FNBP1L: variants seen among roughly 807,000 people sequenced by gnomAD.
FNBP1L encodes the protein formin binding protein 1 like, also known as formin-binding protein 1-like.
A neutral mutation model predicts 91.2 loss-of-function variants in FNBP1L; 36 were observed. The ratio of observed to expected loss-of-function variants is 0.39; its 90% confidence interval spans 0.30 to 0.52. The LOEUF is 0.52. FNBP1L is among the 20% of genes least tolerant of loss of function. The pLI, the probability that FNBP1L is intolerant of heterozygous loss-of-function variation, is 0.66. For synonymous variants in FNBP1L, 242 were observed against 237.0 expected (o/e 1.02, Z -0.19); for missense variants, 571 against 732.1 (o/e 0.78, Z 2.54).
intron 12 of FNBP1L, among the ~76,000 whole-genome samples, chr1:93,545,285 A>T (rs1672185025): frequency 6.6e-6 from 1 of 152,172 alleles, no homozygotes. Context: ...AGTAGATTGC[A>T]AAAAGGATAC....
intron 1 of FNBP1L, among the ~76,000 whole-genome samples, chr1:93,466,559 A>G (rs1470754954): frequency 6.6e-6 from 1 of 152,056 alleles, no homozygotes; most frequent in Non-Finnish European, 1.5e-5. Flanking sequence ...CCATTGGTCT[A>G]TATTTCTGTT....
chr1:93,499,434 C>G, intron 1 of FNBP1L, 34 bp from the exon 2 acceptor site: 3 of 1,375,622 alleles, frequency 2.2e-6, no homozygotes, highest in Non-Finnish European at 3.0e-6. Flanking sequence ...AAATTTTAGA[C>G]TTTTGAAAAT....
chr1:93,454,913 A>G (rs200785559), intron 1 of FNBP1L, among the ~76,000 whole-genome samples: 3 of 121,432 alleles, frequency 2.5e-5, no homozygotes. Context: ...TTTTATTTTT[A>G]TTTATTTATT....
chr1:93,511,776 C>T lies in FNBP1L; in HGVS notation c.141-10306C>T, dbSNP rs1479034474. ...GGTCAGGAGATCGAGACCATCCCGG[C>T]TAAAACGGTGAAACCCCGTCTCTAC... On this transcript the variant is annotated intron_variant, in intron 2 of 16. Transcript: ENST00000271234. Among the ~76,000 whole-genome samples, 16 of 151,908 alleles carry T rather than the reference C, an allele frequency of 1.1e-4. No individual in the cohort carries two copies. In the East Asian group the frequency reaches 3.1e-3, roughly 29 times the overall value.
chr1:93,475,713 A>G (rs958889444), intron 1 of FNBP1L, among the ~76,000 whole-genome samples: 6 of 152,236 alleles, frequency 3.9e-5, no homozygotes, highest in African/African-American at 1.4e-4. Flanking sequence ...CATAACTTGT[A>G]AAGGATAAAA....
chr1:93,507,611 C>A (rs116511633), intron 2 of FNBP1L, among the ~76,000 whole-genome samples: 1 of 148,028 alleles, frequency 6.8e-6, no homozygotes, highest in African/African-American at 2.4e-5. Flanking sequence ...TCAGCTGCTT[C>A]GGAAGAATAA....
At chr1:93,480,819 C>T (rs1414576411) in intron 1 of FNBP1L, among the ~76,000 whole-genome samples, 1 of 152,234 alleles carries the variant, frequency 6.6e-6, no homozygotes, top group East Asian at 1.9e-4. Flanking sequence ...GCCTCGGCCT[C>T]CCAAAGTGCT....
intron 9 of FNBP1L, 38 bp from the exon 10 acceptor site, chr1:93,536,294 A>G: frequency 3.6e-6 from 5 of 1,382,414 alleles, no homozygotes; most frequent in Non-Finnish European, 4.7e-6. Flanking sequence ...AACTATGCAC[A>G]TTTGGCTTAT....
At chr1:93,453,630 A>G (rs1210552327) in intron 1 of FNBP1L, among the ~76,000 whole-genome samples, 1 of 152,182 alleles carries the variant, frequency 6.6e-6, no homozygotes, top group African/African-American at 2.4e-5. Context: ...CAATCTTTAA[A>G]CATTTTCACT....
intron 1 of FNBP1L, among the ~76,000 whole-genome samples, chr1:93,461,514 G>A (rs1359234003): frequency 1.3e-5 from 2 of 152,156 alleles, no homozygotes; most frequent in South Asian, 2.1e-4. Context: ...TAAGGTGATA[G>A]TTGCAGTTCT....
intron 13 of FNBP1L, 58 bp from the exon 14 acceptor site, chr1:93,547,289 T>A: frequency 7.7e-7 from 1 of 1,301,214 alleles, no homozygotes; most frequent in Non-Finnish European, 1.1e-6. Context: ...TGTAGATATC[T>A]TATGAGCTTT....
chr1:93,547,369 G>A lies in FNBP1L; in HGVS notation c.1430G>A (p.Gly477Asp). ...KNEAWLSEVE[G>D]KTGGRGDRRH... Reference sequence around the variant, plus strand: ...AAGGCTTGGCTCTCTGAAGTCGAAGGCAAAACAGGTGGGAGAGGAGACAGA... The same window carrying A: ...AAGGCTTGGCTCTCTGAAGTCGAAGACAAAACAGGTGGGAGAGGAGACAGA... The change falls in exon 14 of 17, where the codon GGC (glycine) becomes GAC (aspartate). Residue 477 changes from glycine to aspartate, a missense_variant. By Grantham distance (94) the Gly-to-Asp change is moderately conservative. This residue lies in a region of FNBP1L where 189 missense variants were observed against 219.7 expected (regional missense o/e 0.86). Coordinates refer to ENST00000271234, the MANE Select transcript of FNBP1L (RefSeq NM_001164473.3). 2 of 1,560,966 alleles carry A rather than the reference G, an allele frequency of 1.3e-6. No homozygotes were observed. The highest frequency in any genetic ancestry group is 1.7e-6 in the Non-Finnish European group (2 of 1,151,766).
intron 2 of FNBP1L, among the ~76,000 whole-genome samples, chr1:93,517,113 C>A (rs960871321): frequency 6.7e-6 from 1 of 149,974 alleles, no homozygotes; most frequent in Non-Finnish European, 1.5e-5. Flanking sequence ...AATCTCAGCT[C>A]ACTGCATGCA....
intron 1 of FNBP1L, among the ~76,000 whole-genome samples, chr1:93,463,605 C>G (rs898997967): frequency 1.3e-5 from 2 of 152,170 alleles, no homozygotes; most frequent in East Asian, 1.9e-4. Context: ...TCTGTAAATT[C>G]CTACTCCAGT....
chr1:93,536,317 T>G lies in FNBP1L; in HGVS notation c.991-15T>G. On this transcript the variant is annotated splice_polypyrimidine_tract_variant and intron_variant, in intron 9 of 16. Transcript: ENST00000271234. ...ACATTTGGCTTATTGATTCCTTTCT[T>G]TATTTCCATATTAGCCACAGTCCCC... is the stretch of plus-strand genomic sequence containing the variant. 1 of 1,442,994 alleles carries G rather than the reference T, an allele frequency of 6.9e-7. No individual in the cohort carries two copies. The allele number at this position is 1,442,994 out of a possible 1,614,324, so 89.4% of individuals were successfully genotyped here.
Position 93,523,419 on chromosome 1 carries a change from A to C in FNBP1L, c.270A>C (p.Ala90=), listed in dbSNP as rs778549907. 3.1e-6 allele frequency: 5 copies of C among 1,610,630 alleles called. No individual in the cohort carries two copies. The highest frequency in any genetic ancestry group is 4.2e-6 in the Non-Finnish European group (5 of 1,178,250). The change falls in exon 4 of 17, where the codon GCA becomes GCC. Residue 90 remains alanine (A), a synonymous_variant. Coordinates refer to ENST00000271234, the MANE Select transcript of FNBP1L (RefSeq NM_001164473.3). The part of the protein sequence containing the change: ...NDYAGQREVV[A]EEMAHRVYGE... ...ATGCAGGACAGCGAGAAGTTGTAGC[A>C]GAAGAAATGGCGCACAGAGTGTATG...
chr1:93,495,579 A>G (rs1670235019), intron 1 of FNBP1L, among the ~76,000 whole-genome samples: 1 of 152,206 alleles, frequency 6.6e-6, no homozygotes, highest in South Asian at 2.1e-4. Context: ...TCCAAATGAA[A>G]CAGGGAGAGA....
intron 2 of FNBP1L, among the ~76,000 whole-genome samples, chr1:93,514,024 C>T (rs373959927): frequency 2.8e-4 from 42 of 152,130 alleles, no homozygotes; most frequent in South Asian, 1.0e-3. Flanking sequence ...GAAAACCCCA[C>T]TGTCTCAGCC....
rs1668333732 is a variant in FNBP1L at position 93,448,212 on chromosome 1, A to T, written c.-70A>T. The T allele has an allele frequency of 2.0e-6, 3 of 1,510,526 alleles. No individual in the cohort carries two copies. The South Asian group carries it at 3.7e-5, about 19-fold the overall frequency. The allele number at this position is 1,510,526 out of a possible 1,614,324, so 93.6% of individuals were successfully genotyped here. ...GCTAGCCCGCCGGCCAGCGAGTGAG[A>T]GGTCGGACAGACTGTGGAGCCGACA... On this transcript the variant is annotated 5_prime_UTR_variant, in exon 1 of 17. Transcript: ENST00000271234.
Sources: gnomAD v4.1 joint callset for allele counts (sites outside exome capture counted in the v4.1 genomes callset) on GRCh38, gnomAD v4.1.1 for gene constraint, gnomAD v4.1.1 regional missense constraint, MANE v1.5 for transcripts, NCBI Gene and HGNC (gene_info 2026-07-23, HGNC 2026-07-21) for gene names.